The following TMCO1 variants were observed in gnomAD, a reference collection of about 807,000 sequenced individuals.
The protein encoded by TMCO1 is calcium load-activated calcium channel.
Under a neutral mutation model 29.3 loss-of-function variants are expected in TMCO1, and 29 were observed. That is an observed-to-expected ratio of 0.99 (90% CI 0.74 to 1.35). TMCO1 has a LOEUF of 1.35. Ranked by LOEUF, TMCO1 falls within the 40% of genes most tolerant of loss-of-function variation. The pLI is 0.00. For synonymous variants in TMCO1, 80 were observed against 77.1 expected (o/e 1.04, Z -0.20); for missense variants, 173 against 225.5 (o/e 0.77, Z 1.49).
Position 165,768,788 on chromosome 1 carries a change from G to A in TMCO1, c.-37C>T, listed in dbSNP as rs1652682156. ...GTCTCTGCACTCTCACCCGCCAGGG[G>A]GAAAGCGCTCTACAGCCAGGAAAAG... On this transcript the variant is annotated 5_prime_UTR_variant, in exon 1 of 7. Coordinates refer to ENST00000367881, the MANE Select transcript of TMCO1 (RefSeq NM_019026.6). 1 of 1,613,854 alleles carries A rather than the reference G, an allele frequency of 6.2e-7. No individual in the cohort carries two copies. The highest frequency in any genetic ancestry group is 1.1e-5 in the South Asian group (1 of 91,016).
intron 5 of TMCO1, among the ~76,000 whole-genome samples, chr1:165,749,722 T>C (rs182533613): frequency 6.8e-4 from 103 of 152,226 alleles, no homozygotes; most frequent in Non-Finnish European, 1.0e-3. Context: ...TAATCTGATA[T>C]GACGAATGGC....
At chr1:165,767,562 C>A (rs1307430448) in intron 2 of TMCO1, among the ~76,000 whole-genome samples, 1 of 152,160 alleles carries the variant, frequency 6.6e-6, no homozygotes, top group African/African-American at 2.4e-5. Context: ...TATGTTATTT[C>A]TTTACCTGGA....
intron 2 of TMCO1, among the ~76,000 whole-genome samples, chr1:165,761,017 G>C (rs1196965968): frequency 6.6e-6 from 1 of 152,062 alleles, no homozygotes; most frequent in East Asian, 1.9e-4. Flanking sequence ...TTAGCGGGTA[G>C]AACTCTTTCC....
At chr1:165,751,619 G>A (rs566083411) in intron 5 of TMCO1, among the ~76,000 whole-genome samples, 101 of 151,620 alleles carry the variant, frequency 6.7e-4, no homozygotes, top group Admixed American at 2.7e-3. Context: ...TAGGAGAATC[G>A]CTTGAACGCA....
intron 5 of TMCO1, among the ~76,000 whole-genome samples, chr1:165,751,706 A>C (rs1432639838): frequency 1.3e-5 from 2 of 148,458 alleles, no homozygotes; most frequent in African/African-American, 4.9e-5. Context: ...CTCCGTCTCA[A>C]AAAAAAAAAA....
At chr1:165,760,449 A>C (rs1199655249) in intron 2 of TMCO1, among the ~76,000 whole-genome samples, 2 of 141,970 alleles carry the variant, frequency 1.4e-5, no homozygotes, top group African/African-American at 5.2e-5. Context: ...AAAAAAAAAA[A>C]TACCAATTTT....
intron 5 of TMCO1, among the ~76,000 whole-genome samples, chr1:165,745,057 G>A (rs1651742796): frequency 2.0e-5 from 3 of 151,956 alleles, no homozygotes; most frequent in Admixed American, 6.6e-5. Context: ...GTCTCGCTCT[G>A]TCATTCAGGC....
rs189008754 is a variant in TMCO1 at position 165,736,112 on chromosome 1, G to C, written c.468+7055C>G. ...CTGCCCTGTGCCTTCCACCATGTGAGGATGCAGACAGAAGGCACTCTCTAT... is the reference window on the plus strand; with the variant it reads ...CTGCCCTGTGCCTTCCACCATGTGACGATGCAGACAGAAGGCACTCTCTAT... On this transcript the variant is annotated intron_variant, in intron 6 of 6. Transcript: ENST00000367881. 5.6e-4 allele frequency among the ~76,000 whole-genome samples: 85 copies of C among 152,334 alleles called. 1 individual carries two copies. The South Asian group carries it at 9.9e-3, about 18-fold the overall frequency.
intron 6 of TMCO1, among the ~76,000 whole-genome samples, chr1:165,739,629 C>T (rs113380557): frequency 0.013 from 2,021 of 152,120 alleles, 52 homozygotes; most frequent in African/African-American, 0.047. Flanking sequence ...GCTCAAGCTA[C>T]CTGCTCGCCT....
At chr1:165,754,544 T>C (rs1198069386) in intron 3 of TMCO1, among the ~76,000 whole-genome samples, 2 of 152,212 alleles carry the variant, frequency 1.3e-5, no homozygotes, top group African/African-American at 2.4e-5. Flanking sequence ...CATTAATATA[T>C]ATGCTTATGT....
In TMCO1 at chr1:165,768,788, G is replaced by C. The variant is rs1652682156; in HGVS notation, c.-37C>G. 1 of 1,613,736 alleles carries C rather than the reference G, an allele frequency of 6.2e-7. No homozygotes were observed. The highest frequency in any genetic ancestry group is 8.5e-7 in the Non-Finnish European group (1 of 1,179,894). ...GTCTCTGCACTCTCACCCGCCAGGG[G>C]GAAAGCGCTCTACAGCCAGGAAAAG... On this transcript the variant is annotated 5_prime_UTR_variant, in exon 1 of 7. Coordinates refer to ENST00000367881, the MANE Select transcript of TMCO1 (RefSeq NM_019026.6).
At chr1:165,742,103 AAG>A (rs1325094043) in intron 6 of TMCO1, among the ~76,000 whole-genome samples, 1 of 152,236 alleles carries the variant, frequency 6.6e-6, no homozygotes, top group Non-Finnish European at 1.5e-5. Flanking sequence ...AGGGGAGAAA[AAG>A]AGAATCACTT....
chr1:165,750,527 G>A, intron 5 of TMCO1, among the ~76,000 whole-genome samples: 1 of 120,106 alleles, frequency 8.3e-6, no homozygotes. Context: ...GGCATAAAGA[G>A]CAAAACTCCG....
At chr1:165,758,228 A>G (rs1276296473) in intron 3 of TMCO1, among the ~76,000 whole-genome samples, 1 of 152,082 alleles carries the variant, frequency 6.6e-6, no homozygotes, top group African/African-American at 2.4e-5. Flanking sequence ...CTTTTTCAGA[A>G]CTTTACTTCT....
intron 6 of TMCO1, 113 bp downstream of exon 6, chr1:165,743,054 C>A (rs1651651987): frequency 7.5e-7 from 1 of 1,328,382 alleles, no homozygotes; most frequent in Admixed American, 1.9e-5. Context: ...AAATGAGCAA[C>A]TGAAAGAACT....
At chr1:165,752,852 C>T (rs1490284749) in intron 4 of TMCO1, among the ~76,000 whole-genome samples, 1 of 152,010 alleles carries the variant, frequency 6.6e-6, no homozygotes, top group Non-Finnish European at 1.5e-5. Context: ...GGGTAACCCA[C>T]CCTTCACCTC....
intron 6 of TMCO1, among the ~76,000 whole-genome samples, chr1:165,738,642 T>G (rs1324686399): frequency 6.6e-6 from 1 of 152,234 alleles, no homozygotes; most frequent in Non-Finnish European, 1.5e-5. Context: ...CATAATTCTC[T>G]TGTGCATAAG....
chr1:165,725,801 C>CCTCTGTAA, downstream of TMCO1: 1 of 461,336 alleles, frequency 2.2e-6, no homozygotes, highest in Middle Eastern at 6.8e-4. Flanking sequence ...AGTTTTATTT[C>CCTCTGTAA]CTCTGTAATA....
chr1:165,734,263 T>A (rs1651283974), intron 6 of TMCO1, among the ~76,000 whole-genome samples: 1 of 152,140 alleles, frequency 6.6e-6, no homozygotes, highest in Admixed American at 6.6e-5. Context: ...AAATATTTAC[T>A]AAAAAAACCT....
Sources: gnomAD v4.1 joint callset for allele counts (sites outside exome capture counted in the v4.1 genomes callset) on GRCh38, gnomAD v4.1.1 for gene constraint, MANE v1.5 for transcripts, NCBI Gene and HGNC (gene_info 2026-07-23, HGNC 2026-07-21) for gene names.